Variants in MIR2052HG observed in about 807,000 individuals in gnomAD.
MIR2052HG encodes the protein MIR2052 host gene.
intron 2 of MIR2052HG, among the ~76,000 whole-genome samples, chr8:74,669,385 T>C (rs1306052950): frequency 6.6e-6 from 1 of 152,174 alleles, no homozygotes; most frequent in Admixed American, 6.5e-5. Context: ...CAAGCTTCAA[T>C]CCGTTCTCAC....
At chr8:74,603,312 C>G in intron 1 of MIR2052HG, 38 of 1,602,012 alleles carry the variant, frequency 2.4e-5, no homozygotes, top group Non-Finnish European at 3.2e-5. Context: ...TGCCACCCGT[C>G]TCCGAGGAAA....
intron 1 of MIR2052HG, among the ~76,000 whole-genome samples, chr8:74,606,900 A>AG (rs1808119231): frequency 6.6e-6 from 1 of 152,122 alleles, no homozygotes; most frequent in Non-Finnish European, 1.5e-5. Flanking sequence ...TATGTAACAA[A>AG]GAAAAAAAGG....
intron 4 of MIR2052HG, among the ~76,000 whole-genome samples, chr8:74,721,216 A>T (rs1586923281): frequency 6.6e-6 from 1 of 152,068 alleles, no homozygotes; most frequent in Non-Finnish European, 1.5e-5. Context: ...GCAGGAAGGG[A>T]AAGGTAGCCC....
At chr8:74,608,843 A>G (rs1808150887) in intron 1 of MIR2052HG, among the ~76,000 whole-genome samples, 1 of 152,100 alleles carries the variant, frequency 6.6e-6, no homozygotes, top group African/African-American at 2.4e-5. Flanking sequence ...GTATTAGAAA[A>G]GAAGAAAGGT....
At chr8:74,600,413 G>T (rs1554569813) in intron 1 of MIR2052HG, among the ~76,000 whole-genome samples, 1 of 151,068 alleles carries the variant, frequency 6.6e-6, no homozygotes, top group East Asian at 2.0e-4. Context: ...GAGAAACCCC[G>T]TTTCCACTAA....
chr8:74,681,926 A>G (rs1809129601), intron 2 of MIR2052HG, among the ~76,000 whole-genome samples: 1 of 152,214 alleles, frequency 6.6e-6, no homozygotes, highest in Non-Finnish European at 1.5e-5. Context: ...AGATGTAATT[A>G]CAGATCACTG....
intron 2 of MIR2052HG, among the ~76,000 whole-genome samples, chr8:74,653,380 A>G (rs1466804832): frequency 6.6e-6 from 1 of 152,204 alleles, no homozygotes. Context: ...AAGAGATGCT[A>G]CTTTTTATCA....
intron 5 of MIR2052HG, among the ~76,000 whole-genome samples, chr8:74,756,452 G>T (rs1294663139): frequency 6.6e-6 from 1 of 152,122 alleles, no homozygotes; most frequent in Non-Finnish European, 1.5e-5. Flanking sequence ...CGTGAATCTG[G>T]AACAAAGACC....
chr8:74,703,158 T>G (rs2128741027), intron 3 of MIR2052HG, among the ~76,000 whole-genome samples: 1 of 152,088 alleles, frequency 6.6e-6, no homozygotes, highest in African/African-American at 2.4e-5. Context: ...GCCTTGCCCT[T>G]GGGGATTGTT....
intron 1 of MIR2052HG, among the ~76,000 whole-genome samples, chr8:74,601,277 A>T (rs927180200): frequency 2.0e-5 from 3 of 152,178 alleles, no homozygotes; most frequent in African/African-American, 7.2e-5. Context: ...GTCTCAAAGC[A>T]CTCCAACTGG....
chr8:74,662,620 T>G (rs1431508472), intron 2 of MIR2052HG, among the ~76,000 whole-genome samples: 2 of 152,186 alleles, frequency 1.3e-5, no homozygotes, highest in Admixed American at 1.3e-4. Flanking sequence ...AGGTATAATT[T>G]GAGGGCCTAA....
chr8:74,660,698 AAAC>A (rs1454838344), intron 2 of MIR2052HG, among the ~76,000 whole-genome samples: 1 of 152,236 alleles, frequency 6.6e-6, no homozygotes, highest in Admixed American at 6.5e-5. Context: ...GATTTTGAGA[AAAC>A]AACAACATCA....
chr8:74,715,465 A>T (rs1809510905), intron 4 of MIR2052HG, among the ~76,000 whole-genome samples: 1 of 152,216 alleles, frequency 6.6e-6, no homozygotes. Context: ...ATAAACCTTT[A>T]TGTTGCCATT....
chr8:74,606,681 G>T (rs558772408), intron 1 of MIR2052HG, among the ~76,000 whole-genome samples: 1 of 152,116 alleles, frequency 6.6e-6, no homozygotes, highest in African/African-American at 2.4e-5. Context: ...GGGCCTACCC[G>T]AGTGTAGAGG....
intron 4 of MIR2052HG, among the ~76,000 whole-genome samples, chr8:74,746,264 T>C (rs915381038): frequency 1.3e-5 from 2 of 152,170 alleles, no homozygotes; most frequent in South Asian, 2.1e-4. Flanking sequence ...GCATCAGAGA[T>C]GTGCATAGTC....
At chr8:74,604,352 G>C (rs116071773) in intron 1 of MIR2052HG, 214 of 412,936 alleles carry the variant, frequency 5.2e-4, no homozygotes, top group African/African-American at 4.5e-3. Flanking sequence ...GGGAAAAGGG[G>C]AATGGGCTGG....
intron 2 of MIR2052HG, among the ~76,000 whole-genome samples, chr8:74,666,217 T>TC (rs1416512139): frequency 1.3e-5 from 2 of 152,132 alleles, no homozygotes; most frequent in Non-Finnish European, 2.9e-5. Context: ...TCTTTTTTTT[T>TC]CTCTTATAAT....
chr8:74,626,055 A>C (rs1260285097), intron 2 of MIR2052HG, among the ~76,000 whole-genome samples: 2 of 152,150 alleles, frequency 1.3e-5, no homozygotes, highest in African/African-American at 4.8e-5. Context: ...CACTCCCTGG[A>C]CACCTGAAAC....
intron 2 of MIR2052HG, among the ~76,000 whole-genome samples, chr8:74,676,158 G>A (rs1218770692): frequency 6.6e-6 from 1 of 152,038 alleles, no homozygotes; most frequent in Non-Finnish European, 1.5e-5. Flanking sequence ...AACTAAAGCA[G>A]AGGGTTAACT....
Sources: allele counts gnomAD v4.1 joint callset (sites outside exome capture counted in the v4.1 genomes callset), GRCh38; gene constraint gnomAD v4.1.1; transcripts MANE v1.5; gene names NCBI Gene and HGNC (gene_info 2026-07-23, HGNC 2026-07-21).